The following CPLX4 variants were observed in gnomAD, a reference collection of about 807,000 sequenced individuals.
CPLX4 encodes complexin-4.
In CPLX4, 17 loss-of-function variants were observed where a neutral mutation model predicts 16.1. The observed-to-expected ratio is 1.06, with a 90% CI of 0.72 to 1.59. CPLX4 has a LOEUF of 1.59. CPLX4 is among the 40% of genes most tolerant of loss of function. The pLI is 0.00. For synonymous variants in CPLX4, 55 were observed against 57.8 expected (o/e 0.95, Z 0.22); for missense variants, 193 against 192.9 (o/e 1.00, Z 0.00).
chr18:59,308,432 A>G (rs2070592319), intron 2 of CPLX4, among the ~76,000 whole-genome samples: 1 of 150,342 alleles, frequency 6.7e-6, no homozygotes, highest in Non-Finnish European at 1.5e-5. Flanking sequence ...TAGAAAACGC[A>G]CGATCTGGTC....
chr18:59,304,386 A>T (rs374865898), intron 2 of CPLX4, among the ~76,000 whole-genome samples: 1 of 152,344 alleles, frequency 6.6e-6, no homozygotes, highest in East Asian at 1.9e-4. Context: ...CTTTATTTAA[A>T]ACATATTGCT....
chr18:59,305,212 G>A (rs73960764), intron 2 of CPLX4, among the ~76,000 whole-genome samples: 4,334 of 152,150 alleles, frequency 0.028, 171 homozygotes, highest in African/African-American at 0.088. Context: ...GAAAGCAAAG[G>A]CCACAGGGAG....
At chr18:59,302,272 G>C (rs1227365965) in intron 2 of CPLX4, among the ~76,000 whole-genome samples, 6 of 152,182 alleles carry the variant, frequency 3.9e-5, no homozygotes, top group Non-Finnish European at 4.4e-5. Context: ...AGGAATATTT[G>C]GACACAGTTC....
At chr18:59,297,126 G>A (rs1020206090) in intron 2 of CPLX4, among the ~76,000 whole-genome samples, 2 of 152,060 alleles carry the variant, frequency 1.3e-5, no homozygotes, top group Non-Finnish European at 2.9e-5. Flanking sequence ...ACCTTGCGTC[G>A]ATCAGAACCT....
At chr18:59,311,623 A>T (rs583241) in intron 2 of CPLX4, among the ~76,000 whole-genome samples, 44,721 of 151,984 alleles carry the variant, frequency 0.29, 6,604 homozygotes, top group Middle Eastern at 0.36. Flanking sequence ...CAGATGGAAG[A>T]TGTTCTTTAA....
intron 2 of CPLX4, among the ~76,000 whole-genome samples, chr18:59,302,061 G>T (rs2070545336): frequency 6.6e-6 from 1 of 152,174 alleles, no homozygotes; most frequent in South Asian, 2.1e-4. Flanking sequence ...CGGTGGGAGA[G>T]TATCGGCCCT....
chr18:59,296,809 A>T lies in CPLX4; in HGVS notation c.372T>A (p.Leu124=). ...QEEEEDKDSI[L]GQIQNLQNMD... The stretch of plus-strand genomic sequence containing the variant: ...TGTTCTGGAGATTCTGTATCTGCCC[A>T]AGAATAGAATCTTTATCTTCTTCCT... Residue 124 remains leucine, a synonymous_variant, in exon 3 of 3, where the codon CTT becomes CTA. Coordinates refer to ENST00000299721, the MANE Select transcript of CPLX4 (RefSeq NM_181654.4). 4 of 1,613,868 alleles carry T rather than the reference A, an allele frequency of 2.5e-6. No homozygotes were observed. Among genetic ancestry groups the T allele is most frequent in the South Asian group, 2.2e-5 (2 of 90,996 alleles).
rs1568108431 is a variant in CPLX4, at chr18:59,318,503, A to T, written c.-41T>A. On this transcript the variant is annotated 5_prime_UTR_variant, in exon 1 of 3. Coordinates refer to ENST00000299721, the MANE Select transcript of CPLX4 (RefSeq NM_181654.4). ...AAAATAAAACCAAAATTCAGACAAAAGCTGAAAAAAAAAATCCAAACAAAC... is the reference window on the plus strand; with the variant it reads ...AAAATAAAACCAAAATTCAGACAAATGCTGAAAAAAAAAATCCAAACAAAC... The T allele has an allele frequency of 6.4e-7, 1 of 1,566,648 alleles. No individual in the cohort carries two copies.
At chr18:59,308,541 CTTT>C (rs372511937) in intron 2 of CPLX4, among the ~76,000 whole-genome samples, 1 of 119,398 alleles carries the variant, frequency 8.4e-6, no homozygotes. Flanking sequence ...CCTATCAAGA[CTTT>C]TTTTTTTTTT....
Position 59,318,332 on chromosome 18 carries a change from T to C in CPLX4, c.131A>G (p.Glu44Gly). Reference sequence around the variant, plus strand: ...CATTTGCTTTTGATACTCCTCATACTCCTCTCTAGTCATCCCTTGAGCTGC... The same window carrying C: ...CATTTGCTTTTGATACTCCTCATACCCCTCTCTAGTCATCCCTTGAGCTGC... ...PAAAQGMTRE[E>G]YEEYQKQMIE... The change falls in exon 1 of 3, where the codon GAG becomes GGG. Residue 44 changes from glutamate to glycine, a missense_variant. Transcript: ENST00000299721. 1 of 1,613,268 alleles carries C rather than the reference T, an allele frequency of 6.2e-7. No individual in the cohort carries two copies. Among genetic ancestry groups the C allele is most frequent in the Non-Finnish European group, 8.5e-7 (1 of 1,179,666 alleles).
At chr18:59,312,937 CTGTT>C (rs1385844708) in intron 1 of CPLX4, among the ~76,000 whole-genome samples, 165 bp from the exon 2 acceptor site, 1 of 148,500 alleles carries the variant, frequency 6.7e-6, no homozygotes, top group South Asian at 2.1e-4. Context: ...GTCTGCCTCT[CTGTT>C]TGTTACTCTA....
At position 59,299,218 on chromosome 18, in the gene CPLX4, C is replaced by T. The variant is rs143475291; in HGVS notation, c.256-2293G>A. ...CCTAGCGGCTGCTTTCCTTGCTGAT[C>T]GTCTTCTGGGACTTTTTGCAGGAAG... On this transcript the variant is annotated intron_variant, in intron 2 of 2. Transcript: ENST00000299721. Among the ~76,000 whole-genome samples, 1,208 of 152,318 alleles carry T rather than the reference C, an allele frequency of 7.9e-3. 13 individuals are homozygous for T. The highest frequency in any genetic ancestry group is 0.028 in the African/African-American group (1,158 of 41,564).
At chr18:59,300,165 C>A (rs558174158) in intron 2 of CPLX4, among the ~76,000 whole-genome samples, 1 of 152,182 alleles carries the variant, frequency 6.6e-6, no homozygotes, top group East Asian at 1.9e-4. Flanking sequence ...AACCCCGTCT[C>A]TACTAAAAAT....
chr18:59,310,625 C>T (rs910987359), intron 2 of CPLX4, among the ~76,000 whole-genome samples: 2 of 152,080 alleles, frequency 1.3e-5, no homozygotes, highest in Admixed American at 6.5e-5. Flanking sequence ...CTTTTGTGCC[C>T]AGAGATCATA....
chr18:59,314,378 T>C (rs888989616), intron 1 of CPLX4, among the ~76,000 whole-genome samples: 2 of 152,192 alleles, frequency 1.3e-5, no homozygotes, highest in Non-Finnish European at 2.9e-5. Flanking sequence ...TATTCCTCTC[T>C]TTATCCACAT....
At chr18:59,315,316 C>A (rs1017635552) in intron 1 of CPLX4, among the ~76,000 whole-genome samples, 1 of 152,150 alleles carries the variant, frequency 6.6e-6, no homozygotes, top group Non-Finnish European at 1.5e-5. Flanking sequence ...GTAAGATTTT[C>A]ATGTACTAAT....
chr18:59,298,240 C>T (rs777134381), intron 2 of CPLX4, among the ~76,000 whole-genome samples: 42 of 152,084 alleles, frequency 2.8e-4, no homozygotes, highest in Non-Finnish European at 5.4e-4. Context: ...CAGGTATGCA[C>T]CCCCATACTC....
At chr18:59,305,381 A>T (rs1051382392) in intron 2 of CPLX4, among the ~76,000 whole-genome samples, 3 of 151,900 alleles carry the variant, frequency 2.0e-5, no homozygotes, top group African/African-American at 7.3e-5. Context: ...ACAAACAAAC[A>T]AAAAACAGGA....
At position 59,296,372 on chromosome 18, in the gene CPLX4, T is replaced by A. The variant is rs1284980613; in HGVS notation, c.*326A>T. On this transcript the variant is annotated 3_prime_UTR_variant, in exon 3 of 3. Coordinates refer to ENST00000299721, the MANE Select transcript of CPLX4 (RefSeq NM_181654.4). Reference sequence around the variant, plus strand: ...GAACTTGGCCTCCAAGGAAGAAAGTTGGAGAGGAAATGCCCCTTGCTTTTG... The same window carrying A: ...GAACTTGGCCTCCAAGGAAGAAAGTAGGAGAGGAAATGCCCCTTGCTTTTG... 1 of 324,412 alleles carries A rather than the reference T, an allele frequency of 3.1e-6. No homozygotes were observed. Among genetic ancestry groups the A allele is most frequent in the African/African-American group, 2.3e-5 (1 of 44,208 alleles). The allele number at this position is 324,412 out of a possible 1,614,324, so 20.1% of individuals were successfully genotyped here.
Sources: gnomAD v4.1 joint callset for allele counts (sites outside exome capture counted in the v4.1 genomes callset) on GRCh38, gnomAD v4.1.1 for gene constraint, MANE v1.5 for transcripts, NCBI Gene and HGNC (gene_info 2026-07-23, HGNC 2026-07-21) for gene names.